The following TAF13 variants were observed in gnomAD, a reference collection of about 807,000 sequenced individuals.
The protein encoded by TAF13 is TATA-box binding protein associated factor 13.
A neutral mutation model predicts 18.7 loss-of-function variants in TAF13; 9 were observed. That is an observed-to-expected ratio of 0.48 (90% CI 0.29 to 0.84). TAF13 has a LOEUF of 0.84. Among genes scored for constraint, TAF13 ranks in the 40% least tolerant of loss-of-function variants. The pLI, the probability that TAF13 is intolerant of heterozygous loss-of-function variation, is 0.08. For missense variants in TAF13, 105 were observed against 146.5 expected, an observed-to-expected ratio of 0.72 and a Z score of 1.46; for synonymous variants, 49 against 44.1, an observed-to-expected ratio of 1.11 and a Z score of -0.44.
intron 2 of TAF13, among the ~76,000 whole-genome samples, chr1:109,071,959 TATATATATATATATATACACAC>T (rs1557985847): frequency 1.3e-3 from 9 of 6,936 alleles, no homozygotes; most frequent in East Asian, 4.8e-3. Flanking sequence ...AAAAAGAAAA[TATATATATATATATATACACAC>T]ATATATATAT....
At chr1:109,069,571 A>G (rs1421475605) in intron 2 of TAF13, among the ~76,000 whole-genome samples, 2 of 152,144 alleles carry the variant, frequency 1.3e-5, no homozygotes, top group Non-Finnish European at 2.9e-5. Context: ...AGCCGACTGT[A>G]TAGCATACAT....
At chr1:109,065,878 G>A (rs1410357983) in intron 3 of TAF13, among the ~76,000 whole-genome samples, 4 of 149,664 alleles carry the variant, frequency 2.7e-5, no homozygotes, top group Non-Finnish European at 5.9e-5. Flanking sequence ...CCAAGATCGT[G>A]CCATTGCACT....
intron 2 of TAF13, 138 bp from the exon 3 acceptor site, chr1:109,066,370 C>T (rs1299153132): frequency 4.4e-6 from 3 of 677,752 alleles, no homozygotes; most frequent in African/African-American, 3.7e-5. Context: ...TTGTTATCTC[C>T]AAGTATGGAT....
intron 3 of TAF13, among the ~76,000 whole-genome samples, chr1:109,065,770 A>G (rs768231594): frequency 6.6e-6 from 1 of 151,980 alleles, no homozygotes; most frequent in Non-Finnish European, 1.5e-5. Flanking sequence ...TAAAAATACA[A>G]AATTAGCTGG....
intron 2 of TAF13, among the ~76,000 whole-genome samples, chr1:109,070,507 G>A (rs1197442654): frequency 2.0e-5 from 3 of 151,972 alleles, no homozygotes; most frequent in Non-Finnish European, 2.9e-5. Flanking sequence ...ATGAGCCACC[G>A]TGCCCGGCCC....
intron 2 of TAF13, among the ~76,000 whole-genome samples, chr1:109,073,769 C>T (rs1333390889): frequency 2.0e-5 from 3 of 152,244 alleles, no homozygotes; most frequent in Admixed American, 6.5e-5. Context: ...GAGATTGCAG[C>T]CTCTGCCCGG....
intron 2 of TAF13, among the ~76,000 whole-genome samples, chr1:109,067,817 T>C (rs561446857): frequency 6.6e-6 from 1 of 152,142 alleles, no homozygotes; most frequent in African/African-American, 2.4e-5. Context: ...CCCCATTCTA[T>C]AGATGAGAAA....
At chr1:109,066,357 T>C in intron 2 of TAF13, 125 bp from the exon 3 acceptor site, 1 of 723,974 alleles carries the variant, frequency 1.4e-6, no homozygotes, top group Non-Finnish European at 2.2e-6. Flanking sequence ...ATTTACATCG[T>C]ATTTGTTATC....
chr1:109,065,879 C>A (rs1663943290), intron 3 of TAF13, among the ~76,000 whole-genome samples: 1 of 151,266 alleles, frequency 6.6e-6, no homozygotes, highest in Non-Finnish European at 1.5e-5. Context: ...CAAGATCGTG[C>A]CATTGCACTC....
At chr1:109,066,258 T>G in intron 2 of TAF13, 26 bp from the exon 3 acceptor site, 2 of 1,548,558 alleles carry the variant, frequency 1.3e-6, no homozygotes, top group Non-Finnish European at 1.7e-6. Context: ...CACTTACTTT[T>G]GTTTACTTTT....
At chr1:109,069,194 AGTGTGTGAGTGTGTGT>A (rs1176782403) in intron 2 of TAF13, among the ~76,000 whole-genome samples, 1 of 95,400 alleles carries the variant, frequency 1.0e-5, no homozygotes, top group East Asian at 2.8e-4. Context: ...AGTGATTACA[AGTGTGTGAGTGTGTGT>A]GTGTGTGTGT....
intron 2 of TAF13, among the ~76,000 whole-genome samples, chr1:109,067,606 T>C (rs1663973581): frequency 6.6e-6 from 1 of 151,942 alleles, no homozygotes; most frequent in South Asian, 2.1e-4. Context: ...GGAGGCTGTG[T>C]CTCAAAAATA....
intron 2 of TAF13, among the ~76,000 whole-genome samples, chr1:109,071,960 ATATATATAT>A (rs1664064911): frequency 6.3e-4 from 3 of 4,790 alleles, no homozygotes; most frequent in South Asian, 0.016. Flanking sequence ...AAAAGAAAAT[ATATATATAT>A]ATATATACAC....
intron 2 of TAF13, among the ~76,000 whole-genome samples, chr1:109,073,770 C>T (rs1327127047): frequency 6.6e-6 from 1 of 152,236 alleles, no homozygotes; most frequent in Admixed American, 6.5e-5. Context: ...AGATTGCAGC[C>T]TCTGCCCGGC....
intron 2 of TAF13, among the ~76,000 whole-genome samples, chr1:109,069,925 T>TG (rs1202996039): frequency 6.6e-6 from 1 of 151,978 alleles, no homozygotes; most frequent in East Asian, 1.9e-4. Flanking sequence ...TTTGCCTTTT[T>TG]AAAAAAAAGA....
At chr1:109,066,714 GTT>G (rs1435590808) in intron 2 of TAF13, among the ~76,000 whole-genome samples, 1 of 151,864 alleles carries the variant, frequency 6.6e-6, no homozygotes, top group Non-Finnish European at 1.5e-5. Context: ...TTTTTTGTTT[GTT>G]TGTTTGTTTG....
chr1:109,075,358 C>A (rs1664161896), intron 1 of TAF13, among the ~76,000 whole-genome samples: 1 of 152,194 alleles, frequency 6.6e-6, no homozygotes, highest in African/African-American at 2.4e-5. Flanking sequence ...CCTATTACTA[C>A]TGTTACTGTT....
At chr1:109,074,613 A>G (rs1289216708) in intron 2 of TAF13, among the ~76,000 whole-genome samples, 1 of 152,126 alleles carries the variant, frequency 6.6e-6, no homozygotes, top group Non-Finnish European at 1.5e-5. Context: ...AAAGCAAAAT[A>G]AAAACACACA....
intron 2 of TAF13, among the ~76,000 whole-genome samples, chr1:109,068,697 G>GCTTA (rs1326903878): frequency 6.6e-6 from 1 of 151,966 alleles, no homozygotes; most frequent in Non-Finnish European, 1.5e-5. Context: ...CCAGTCCAGA[G>GCTTA]ACAAGCTTTA....
Sources: allele counts gnomAD v4.1 joint callset (sites outside exome capture counted in the v4.1 genomes callset), GRCh38; gene constraint gnomAD v4.1.1; transcripts MANE v1.5; gene names NCBI Gene and HGNC (gene_info 2026-07-23, HGNC 2026-07-21).